PCBP2: variants seen among roughly 807,000 people sequenced by gnomAD.
PCBP2 encodes poly(rC) binding protein 2, also known as poly(rC)-binding protein 2.
A neutral mutation model predicts 50.1 loss-of-function variants in PCBP2; 4 were observed. The ratio of observed to expected loss-of-function variants is 0.08; its 90% CI spans 0.04 to 0.18. The LOEUF (loss-of-function observed/expected upper bound fraction) is 0.18, where lower values mean the gene tolerates loss of function less well. Among genes scored for constraint, PCBP2 ranks in the 10% least tolerant of loss-of-function variants. The pLI, the probability that PCBP2 is intolerant of heterozygous loss-of-function variation, is 1.00. For missense variants in PCBP2, 161 were observed against 474.3 expected (o/e 0.34, Z 6.14); for synonymous variants, 179 against 168.0 (o/e 1.07, Z -0.51).
In PCBP2 at chr12:53,452,284, C is replaced by T. The variant is rs1224299311; in HGVS notation, c.-168C>T. On this transcript the variant is annotated 5_prime_UTR_variant, in exon 1 of 15. Coordinates refer to ENST00000546463, the MANE Select transcript of PCBP2 (RefSeq NM_031989.5). ...CGCCCGCCCGCGGGGCCCCCCTCGC[C>T]TTCCCGCCCGCCCCTATTGTTCCGC... The T allele has an allele frequency of 7.6e-6, 1 of 131,458 alleles. No individual in the cohort carries two copies. The highest frequency in any genetic ancestry group is 2.3e-4 in the East Asian group (1 of 4,436). 8.1% of individuals were successfully genotyped at this position (131,458 alleles called of 1,614,324 possible). A position where few individuals can be genotyped will look rare whatever the true frequency, so the allele number is the denominator to read the frequency against.
chr12:53,477,114 G>A (rs948659681), intron 14 of PCBP2, among the ~76,000 whole-genome samples: 12 of 151,872 alleles, frequency 7.9e-5, no homozygotes, highest in East Asian at 3.9e-4. Context: ...TTCTCCCTGC[G>A]TCACCTCCCC....
intron 14 of PCBP2, among the ~76,000 whole-genome samples, chr12:53,473,503 T>C (rs942344911): frequency 1.3e-5 from 2 of 152,240 alleles, no homozygotes; most frequent in Admixed American, 6.5e-5. Context: ...GCCCTTCATG[T>C]AATTTAAATT....
intron 1 of PCBP2, 79 bp downstream of exon 1, chr12:53,452,455 C>T (rs893862106): frequency 6.6e-6 from 1 of 151,016 alleles, no homozygotes; most frequent in South Asian, 2.1e-4. Context: ...CGGCTCGGGT[C>T]CTAGTCACGA....
At chr12:53,459,923 A>G (rs758269328) in intron 6 of PCBP2, 7 of 445,398 alleles carry the variant, frequency 1.6e-5, no homozygotes, top group South Asian at 4.7e-5. Context: ...ACCACACCCA[A>G]ATTTTTGTAT....
chr12:53,463,057 C>G (rs1941564060), intron 8 of PCBP2, among the ~76,000 whole-genome samples: 2 of 152,280 alleles, frequency 1.3e-5, no homozygotes, highest in East Asian at 1.9e-4. Context: ...GTGTTGTCCC[C>G]TAGGCTCTTA....
At chr12:53,475,549 CTT>C (rs67600882) in intron 14 of PCBP2, 132 of 146,528 alleles carry the variant, frequency 9.0e-4, no homozygotes, top group African/African-American at 2.8e-3. Flanking sequence ...GCTTCGTTAA[CTT>C]TTTTTTTTTT....
rs1218914553 is a variant in PCBP2 at position 53,479,574 on chromosome 12, C to CTA, written c.*132_*133insTA. 1 of 640,266 alleles carries CTA rather than the reference C, an allele frequency of 1.6e-6. No homozygotes were observed. The highest frequency in any genetic ancestry group is 2.7e-6 in the Non-Finnish European group (1 of 363,882). 39.7% of individuals were successfully genotyped at this position (640,266 alleles called of 1,614,324 possible). On this transcript the variant is annotated 3_prime_UTR_variant, in exon 15 of 15. Transcript: ENST00000546463. ...AATTTTCAGTTTCTACACACTTTATCATCCACTCGTGATTTTTTAATTAAA... is the reference window on the plus strand; with the variant it reads ...AATTTTCAGTTTCTACACACTTTATCTAATCCACTCGTGATTTTTTAATTAAA...
At chr12:53,477,570 G>A (rs948140492) in intron 14 of PCBP2, among the ~76,000 whole-genome samples, 1 of 147,612 alleles carries the variant, frequency 6.8e-6, no homozygotes, top group African/African-American at 2.5e-5. Flanking sequence ...GGAGGCTGAG[G>A]CAGGAGAATG....
chr12:53,468,889 G>T (rs1401008338), intron 13 of PCBP2, 57 bp downstream of exon 13: 6 of 1,151,130 alleles, frequency 5.2e-6, no homozygotes, highest in Admixed American at 1.7e-5. Flanking sequence ...TAAAGAAATA[G>T]ATGTCGTTTC....
At chr12:53,464,877 AG>A (rs766576305) in intron 9 of PCBP2, 25 bp downstream of exon 9, 2 of 1,576,204 alleles carry the variant, frequency 1.3e-6, no homozygotes, top group Admixed American at 4.0e-5. Flanking sequence ...TCAGTCTCCA[AG>A]GCTCACTCAA....
chr12:53,476,380 C>A (rs1565874825), intron 14 of PCBP2, among the ~76,000 whole-genome samples: 1 of 152,150 alleles, frequency 6.6e-6, no homozygotes, highest in South Asian at 2.1e-4. Flanking sequence ...GAGTGACTAG[C>A]CAGGACTAAC....
Position 53,454,851 on chromosome 12 carries a change from G to T in PCBP2, c.51G>T (p.Arg17=), listed in dbSNP as rs766022952. 2 of 1,613,956 alleles carry T rather than the reference G, an allele frequency of 1.2e-6. No homozygotes were observed. The highest frequency in any genetic ancestry group is 2.7e-5 in the African/African-American group (2 of 74,928). The change falls in exon 2 of 15, where the codon CGG becomes CGT. Residue 17 remains arginine (R), a synonymous_variant. Coordinates refer to ENST00000546463, the MANE Select transcript of PCBP2 (RefSeq NM_031989.5). ...EGGLNVTLTI[R]LLMHGKEVGS... ...GATTAAATGTCACTCTCACCATCCG[G>T]CTACTTATGCATGGAAAGGTATGCT...
Position 53,452,165 on chromosome 12 carries a change from C to T in PCBP2, c.-287C>T, listed in dbSNP as rs1940569243. On this transcript the variant is annotated 5_prime_UTR_variant, in exon 1 of 15. Coordinates refer to ENST00000546463, the MANE Select transcript of PCBP2 (RefSeq NM_031989.5). Reference sequence around the variant, plus strand: ...CTGCGCCCTCTCCCGCCCGCCCGCCCTCCGCCCGCCCGCCCGCCCTCCGCC... The same window carrying T: ...CTGCGCCCTCTCCCGCCCGCCCGCCTTCCGCCCGCCCGCCCGCCCTCCGCC... 7.4e-6 allele frequency: 1 copy of T among 135,264 alleles called. No individual in the cohort carries two copies. The highest frequency in any genetic ancestry group is 1.6e-5 in the Non-Finnish European group (1 of 61,042). The allele number at this position is 135,264 out of a possible 1,614,324, so 8.4% of individuals were successfully genotyped here. A position where few individuals can be genotyped will look rare whatever the true frequency, so the allele number is the denominator to read the frequency against.
rs369925631 is a variant in PCBP2 at position 53,461,163 on chromosome 12, C to G, written c.504+20C>G. On this transcript the variant is annotated intron_variant, in intron 7 of 14. Transcript: ENST00000546463. ...TTGGAGGTAAGCCCTCAGGCTCATG[C>G]TGAAAATGGGGGGAGGGCCATTCTG... 6.2e-7 allele frequency: 1 copy of G among 1,612,520 alleles called. No individual in the cohort carries two copies. Among genetic ancestry groups the G allele is most frequent in the Non-Finnish European group, 8.5e-7 (1 of 1,179,168 alleles).
intron 5 of PCBP2, among the ~76,000 whole-genome samples, chr12:53,458,649 T>G (rs1335481631): frequency 1.3e-5 from 2 of 151,890 alleles, no homozygotes; most frequent in Non-Finnish European, 2.9e-5. Flanking sequence ...CTTAATTTTT[T>G]TTTTTTTTTT....
At chr12:53,477,820 T>TTG (rs1942732695) in intron 14 of PCBP2, among the ~76,000 whole-genome samples, 1 of 152,206 alleles carries the variant, frequency 6.6e-6, no homozygotes, top group East Asian at 1.9e-4. Flanking sequence ...CTTTGCATTG[T>TTG]TGTGGAAGGG....
chr12:53,479,668 C>CGGGTTTTTTTTTTTTTTT lies in PCBP2; in HGVS notation c.*226_*227insGGGTTTTTTTTTTTTTTT. The CGGGTTTTTTTTTTTTTTT allele has an allele frequency of 4.4e-5, 6 of 135,736 alleles. No homozygotes were observed. Among genetic ancestry groups the CGGGTTTTTTTTTTTTTTT allele is most frequent in the East Asian group, 1.4e-4 (1 of 7,016 alleles). The allele number at this position is 135,736 out of a possible 1,614,324, so 8.4% of individuals were successfully genotyped here. A position where few individuals can be genotyped will look rare whatever the true frequency, so the allele number is the denominator to read the frequency against. Reference sequence around the variant, plus strand: ...CATATTTAGTTTTATAAGCTTCTCCCTGGTTTTTTTTTTTTGGCTCATGAA... The same window carrying CGGGTTTTTTTTTTTTTTT: ...CATATTTAGTTTTATAAGCTTCTCCCGGGTTTTTTTTTTTTTTTTGGTTTTTTTTTTTTGGCTCATGAA... On this transcript the variant is annotated 3_prime_UTR_variant, in exon 15 of 15. Transcript: ENST00000546463.
intron 6 of PCBP2, chr12:53,460,590 CTTAA>C (rs1426002546): frequency 4.8e-6 from 1 of 209,254 alleles, no homozygotes; most frequent in African/African-American, 2.4e-5. Context: ...CGACAGAGAT[CTTAA>C]TTTTGTTAAT....
At chr12:53,467,694 T>C in intron 11 of PCBP2, 111 bp from the exon 12 acceptor site, 2 of 888,998 alleles carry the variant, frequency 2.2e-6, no homozygotes, top group Non-Finnish European at 3.7e-6. Flanking sequence ...TTTTTGTTTT[T>C]GTTTTTGTTT....
Sources: allele counts gnomAD v4.1 joint callset (sites outside exome capture counted in the v4.1 genomes callset), GRCh38; gene constraint gnomAD v4.1.1; transcripts MANE v1.5; gene names NCBI Gene and HGNC (gene_info 2026-07-23, HGNC 2026-07-21).